The following GRIN3B variants were observed in gnomAD, a reference collection of about 807,000 sequenced individuals.
The protein encoded by GRIN3B is glutamate receptor ionotropic, NMDA 3B.
GRIN3B carries 77 observed loss-of-function variants against 66.0 expected under a neutral mutation model. The ratio of observed to expected loss-of-function variants is 1.17; its 90% CI spans 0.97 to 1.41. The LOEUF (loss-of-function observed/expected upper bound fraction) is 1.41, where lower values mean the gene tolerates loss of function less well. Ranked by LOEUF, GRIN3B falls within the 40% of genes most tolerant of loss-of-function variation. The probability of loss-of-function intolerance (pLI) is 0.00; values close to 1 mark genes in which losing one functional copy is unlikely to be tolerated. For synonymous variants in GRIN3B, 823 were observed against 749.7 expected (o/e 1.10, Z -1.60); for missense variants, 1,787 against 1,564.5 (o/e 1.14, Z -2.40).
Position 1,008,135 on chromosome 19 carries a change from C to T in GRIN3B, c.2315-5C>T. The T allele has an allele frequency of 6.3e-7, 1 of 1,589,478 alleles. No individual in the cohort carries two copies. The highest frequency in any genetic ancestry group is 8.6e-7 in the Non-Finnish European group (1 of 1,168,214). ...TGGCCCCACCGCCTGGCCCCGCGCC[C>T]CCAGGCTATGGGATCGGACTGCCCC... On this transcript the variant is annotated splice_polypyrimidine_tract_variant and splice_region_variant and intron_variant, in intron 5 of 8. Coordinates refer to ENST00000234389, the MANE Select transcript of GRIN3B (RefSeq NM_138690.3).
rs747783907 is a variant in GRIN3B, at chr19:1,004,919, G to C, written c.1418G>C (p.Arg473Pro). 27 of 1,611,780 alleles carry C rather than the reference G, an allele frequency of 1.7e-5. No individual in the cohort carries two copies. Among genetic ancestry groups the C allele is most frequent in the Non-Finnish European group, 2.1e-5 (25 of 1,179,458 alleles). ...LANGSAPRAL[R>P]KCCYGYCIDL... ...AACGGCTCAGCGCCCCGTGCCCTGC[G>C]CAAGTGCTGCTACGGCTACTGCATT... Residue 473 changes from arginine (R) to proline (P), a missense_variant, in exon 3 of 9, where the codon CGC (arginine) becomes CCC (proline). Physicochemically the swap from Arg to Pro is moderately radical, Grantham distance 103. Transcript: ENST00000234389.
Position 1,004,602 on chromosome 19 carries a change from C to T in GRIN3B, c.1101C>T (p.His367=), listed in dbSNP as rs1599457089. The T allele has an allele frequency of 3.1e-6, 5 of 1,608,586 alleles. No homozygotes were observed. The highest frequency in any genetic ancestry group is 4.2e-6 in the Non-Finnish European group (5 of 1,178,206). The change falls in exon 3 of 9, where the codon CAC becomes CAT. Residue 367 remains histidine, a synonymous_variant. Coordinates refer to ENST00000234389, the MANE Select transcript of GRIN3B (RefSeq NM_138690.3). ...GCTCCCAGGTACACATGTCTCGGCA[C>T]TTTAAGGTGTGGAGCCTTCGCCGGG... ...TGSSQVHMSR[H]FKVWSLRRDP...
chr19:1,000,936 C>T, intron 1 of GRIN3B, 73 bp downstream of exon 1: 1 of 1,311,384 alleles, frequency 7.6e-7, no homozygotes, highest in African/African-American at 1.5e-5. Context: ...TGGGGACGTC[C>T]GGAGTCAGGA....
chr19:1,004,449 G>A (rs1038899774), intron 2 of GRIN3B, 72 bp from the exon 3 acceptor site: 25 of 1,346,330 alleles, frequency 1.9e-5, no homozygotes, highest in African/African-American at 8.7e-5. Flanking sequence ...AATCGGGCAC[G>A]TGCTGGGCAG....
At position 1,005,722 on chromosome 19, in the gene GRIN3B, G is replaced by A. The variant is rs1262662973; in HGVS notation, c.2052+169G>A. On this transcript the variant is annotated intron_variant, in intron 3 of 8. Coordinates refer to ENST00000234389, the MANE Select transcript of GRIN3B (RefSeq NM_138690.3). This position sits in a 1 kb window ranked among gnomAD's most constrained non-coding sequence, Gnocchi z 5.2. ...TTTATTTATTTAAAGAAAAATAGCCGGGCGCGGTGGCTCACGCCTGTAATC... is the reference window on the plus strand; with the variant it reads ...TTTATTTATTTAAAGAAAAATAGCCAGGCGCGGTGGCTCACGCCTGTAATC... 1.3e-5 allele frequency among the ~76,000 whole-genome samples: 2 copies of A among 152,092 alleles called. No homozygotes were observed. The highest frequency in any genetic ancestry group is 2.9e-5 in the Non-Finnish European group (2 of 68,022).
At position 1,003,110 on chromosome 19, in the gene GRIN3B, C is replaced by T. The variant is rs116530043; in HGVS notation, c.427-20C>T. ...GGGGGTGGAGGTCGTCAACCCTAAC[C>T]GTGGCCACCCCTCTCCCAGAACCCA... is the stretch of plus-strand genomic sequence containing the variant. On this transcript the variant is annotated intron_variant, in intron 1 of 8. Coordinates refer to ENST00000234389, the MANE Select transcript of GRIN3B (RefSeq NM_138690.3). The T allele has an allele frequency of 0.039, 55,158 of 1,412,548 alleles. 1,220 individuals carry two copies. Among genetic ancestry groups the T allele is most frequent in the African/African-American group, 0.069 (4,580 of 65,970 alleles). 87.5% of individuals were successfully genotyped at this position (1,412,548 alleles called of 1,614,324 possible). A position where few individuals can be genotyped will look rare whatever the true frequency, so the allele number is the denominator to read the frequency against.
intron 6 of GRIN3B, 103 bp downstream of exon 6, chr19:1,008,394 G>T: frequency 8.4e-7 from 1 of 1,185,410 alleles, no homozygotes; most frequent in Non-Finnish European, 1.2e-6. Flanking sequence ...CCAGACGTGC[G>T]TTTGTCTGCT....
rs975564297 is a variant in GRIN3B, at chr19:1,001,123, G to A, written c.426+260G>A. On this transcript the variant is annotated intron_variant, in intron 1 of 8. Coordinates refer to ENST00000234389, the MANE Select transcript of GRIN3B (RefSeq NM_138690.3). ...AGAGCTCCAGGGACGCCCCTGGAACGCCCCTGCAGACCCCTTCCCAGCGCC... is the reference window on the plus strand; with the variant it reads ...AGAGCTCCAGGGACGCCCCTGGAACACCCCTGCAGACCCCTTCCCAGCGCC... Among the ~76,000 whole-genome samples, 20 of 152,100 alleles carry A rather than the reference G, an allele frequency of 1.3e-4. 1 individual carries two copies. Among genetic ancestry groups the A allele is most frequent in the Admixed American group, 1.2e-3 (18 of 15,294 alleles).
At chr19:1,009,129 A>G in intron 8 of GRIN3B, 44 bp from the exon 9 acceptor site, 1 of 1,441,666 alleles carries the variant, frequency 6.9e-7, no homozygotes, top group Non-Finnish European at 9.1e-7. Flanking sequence ...AGGGCGCGAG[A>G]CGGCTGCCCC....
Position 1,003,396 on chromosome 19 carries a change from G to T in GRIN3B, c.693G>T (p.Pro231=). ...CGGCGCCAGTGGGGGGTGAAGCACC[G>T]GTACCCGCGGCGGTCCTCCTCGGCT... is the stretch of plus-strand genomic sequence containing the variant. ...PMAAPVGGEA[P]VPAAVLLGCD... The change falls in exon 2 of 9, where the codon CCG becomes CCT. Residue 231 remains proline (P), a synonymous_variant. Coordinates refer to ENST00000234389, the MANE Select transcript of GRIN3B (RefSeq NM_138690.3). 6.4e-7 allele frequency: 1 copy of T among 1,556,948 alleles called. No individual in the cohort carries two copies. The highest frequency in any genetic ancestry group is 8.6e-7 in the Non-Finnish European group (1 of 1,156,772).
rs200577375 is a variant in GRIN3B at position 1,007,928 on chromosome 19, C to T, written c.2271C>T (p.Ala757=). 1.4e-4 allele frequency: 226 copies of T among 1,612,114 alleles called. No individual in the cohort carries two copies. Among genetic ancestry groups the T allele is most frequent in the Non-Finnish European group, 1.7e-4 (205 of 1,179,686 alleles). ...SLLDYEVSID[A]DCKLLTVGKP... ...TGGACTACGAGGTCTCCATCGACGC[C>T]GACTGCAAACTGCTGACCGTGGGAA... The change falls in exon 5 of 9, where the codon GCC becomes GCT. Residue 757 remains alanine (A), a synonymous_variant. Coordinates refer to ENST00000234389, the MANE Select transcript of GRIN3B (RefSeq NM_138690.3). The surrounding 1 kb of genome is among the most constrained non-coding windows in gnomAD (Gnocchi z 4.4).
Position 1,005,356 on chromosome 19 carries a change from G to T in GRIN3B, c.1855G>T (p.Ala619Ser), listed in dbSNP as rs1253467122. The part of the protein sequence containing the change: ...NRSTVFSYSS[A>S]LNLCYAILFR... ...CAGCACCGTCTTCTCCTACTCCTCA[G>T]CCCTCAACCTGTGCTACGCCATCCT... The change falls in exon 3 of 9, where the codon GCC becomes TCC. Residue 619 changes from alanine (A) to serine (S), a missense_variant. Physicochemically the swap from Ala to Ser is moderately conservative, Grantham distance 99. Transcript: ENST00000234389. This position sits in a 1 kb window ranked among gnomAD's most constrained non-coding sequence, Gnocchi z 5.2. 6.2e-7 allele frequency: 1 copy of T among 1,613,746 alleles called. No homozygotes were observed. The highest frequency in any genetic ancestry group is 1.3e-5 in the African/African-American group (1 of 75,062).
At chr19:1,006,970 G>C (rs1488283434) in intron 3 of GRIN3B, among the ~76,000 whole-genome samples, 1 of 152,200 alleles carries the variant, frequency 6.6e-6, no homozygotes, top group African/African-American at 2.4e-5. Flanking sequence ...ACTCATTAGG[G>C]GTCTGCACCA....
rs757745000 is a variant in GRIN3B at position 1,009,408 on chromosome 19, C to A, written c.2938C>A (p.Pro980Thr). Residue 980 changes from proline (P) to threonine (T), a missense_variant, in exon 9 of 9, where the codon CCC becomes ACC. Physicochemically the swap from Pro to Thr is conservative, Grantham distance 38 (BLOSUM62 -1). Transcript: ENST00000234389. ...CGCAAGGCCCACGGGGGCCCCCCAGCCCGGGGAGCTGCAGGAGCTGGAGCG... is the reference window on the plus strand; with the variant it reads ...CGCAAGGCCCACGGGGGCCCCCCAGACCGGGGAGCTGCAGGAGCTGGAGCG... The part of the protein sequence containing the change: ...PAARPTGAPQ[P>T]GELQELERRI... The A allele has an allele frequency of 2.1e-6, 3 of 1,434,072 alleles. No homozygotes were observed. The highest frequency in any genetic ancestry group is 1.4e-5 in the South Asian group (1 of 72,312). 88.8% of individuals were successfully genotyped at this position (1,434,072 alleles called of 1,614,324 possible). A position where few individuals can be genotyped will look rare whatever the true frequency, so the allele number is the denominator to read the frequency against.
chr19:1,004,257 G>T (rs1165594987), intron 2 of GRIN3B, among the ~76,000 whole-genome samples: 2 of 152,176 alleles, frequency 1.3e-5, no homozygotes, highest in Non-Finnish European at 2.9e-5. Flanking sequence ...CCTGGAAACA[G>T]GTGACCCCAG....
chr19:1,007,810 T>C lies in GRIN3B; in HGVS notation c.2198+37T>C, dbSNP rs1053836400. The C allele has an allele frequency of 1.3e-6, 2 of 1,529,056 alleles. No individual in the cohort carries two copies. Among genetic ancestry groups the C allele is most frequent in the East Asian group, 2.5e-5 (1 of 39,666 alleles). The allele number at this position is 1,529,056 out of a possible 1,614,324, so 94.7% of individuals were successfully genotyped here. On this transcript the variant is annotated intron_variant, in intron 4 of 8. Transcript: ENST00000234389. The surrounding 1 kb of genome is among the most constrained non-coding windows in gnomAD (Gnocchi z 4.4). ...CGCGGGGTGAGGCGGGGGCGGGGCG[T>C]GGGGTGGGCGGGGCGATGGCTGACC... is the stretch of plus-strand genomic sequence containing the variant.
At position 1,009,378 on chromosome 19, in the gene GRIN3B, C is replaced by T; in HGVS notation, c.2908C>T (p.Pro970Ser). The T allele has an allele frequency of 2.9e-6, 4 of 1,375,826 alleles. No homozygotes were observed. Among genetic ancestry groups the T allele is most frequent in the Non-Finnish European group, 3.7e-6 (4 of 1,072,410 alleles). 85.2% of individuals were successfully genotyped at this position (1,375,826 alleles called of 1,614,324 possible). Residue 970 changes from proline to serine, a missense_variant, in exon 9 of 9, where the codon CCC (proline) becomes TCC (serine). Physicochemically the swap from Pro to Ser is moderately conservative, Grantham distance 74. Coordinates refer to ENST00000234389, the MANE Select transcript of GRIN3B (RefSeq NM_138690.3). ...CTGGCTGTGCTCCTACGGCCGCCCGCCCGCCGCAAGGCCCACGGGGGCCCC... is the reference window on the plus strand; with the variant it reads ...CTGGCTGTGCTCCTACGGCCGCCCGTCCGCCGCAAGGCCCACGGGGGCCCC... ...PVWLCSYGRPPAARPTGAPQP... is the reference protein window; with the variant it reads ...PVWLCSYGRPSAARPTGAPQP...
chr19:1,009,569 A>T lies in GRIN3B; in HGVS notation c.3099A>T (p.Pro1033=). 1.1e-6 allele frequency: 1 copy of T among 889,684 alleles called. No individual in the cohort carries two copies. Among genetic ancestry groups the T allele is most frequent in the Non-Finnish European group, 1.5e-6 (1 of 659,464 alleles). 55.1% of individuals were successfully genotyped at this position (889,684 alleles called of 1,614,324 possible). A position where few individuals can be genotyped will look rare whatever the true frequency, so the allele number is the denominator to read the frequency against. ...CCAGAGCGGCCCCCGCGGAGGCCCCACCACACTCTGGCCGACCGGGGAGCC... is the reference window on the plus strand; with the variant it reads ...CCAGAGCGGCCCCCGCGGAGGCCCCTCCACACTCTGGCCGACCGGGGAGCC... ...LQARAAPAEA[P]PHSGRPGSQE The change falls in exon 9 of 9, where the codon CCA becomes CCT. Residue 1033 remains proline (P), a synonymous_variant. Transcript: ENST00000234389.
intron 3 of GRIN3B, among the ~76,000 whole-genome samples, chr19:1,006,630 C>T (rs896152107): frequency 6.6e-6 from 1 of 152,124 alleles, no homozygotes; most frequent in Non-Finnish European, 1.5e-5. Context: ...TTGGCAAAGT[C>T]GGGTTTTCTG....
Sources: gnomAD v4.1 joint callset for allele counts (sites outside exome capture counted in the v4.1 genomes callset) on GRCh38, gnomAD v4.1.1 for gene constraint, Gnocchi (gnomAD v3.1) non-coding constraint, MANE v1.5 for transcripts, NCBI Gene and HGNC (gene_info 2026-07-23, HGNC 2026-07-21) for gene names.